Variants in ADARB2 observed in about 807,000 individuals in gnomAD.
ADARB2 encodes adenosine deaminase RNA specific B2 (inactive), also known as inactive double-stranded RNA-specific editase B2.
ADARB2 carries 25 observed loss-of-function variants against 62.2 expected under a neutral mutation model. The ratio of observed to expected loss-of-function variants is 0.40; its 90% confidence interval spans 0.29 to 0.56. The LOEUF (loss-of-function observed/expected upper bound fraction) is 0.56, where lower values mean the gene tolerates loss of function less well. Ranked by LOEUF, ADARB2 falls within the 20% of genes least tolerant of loss-of-function variation. The pLI is 0.43. For synonymous variants in ADARB2, 572 were observed against 500.8 expected (o/e 1.14, Z -1.90); for missense variants, 1,071 against 1,077.4 (o/e 0.99, Z 0.08).
chr10:1,327,557 GGCCCAGCGCCTCCTCACT>G lies in ADARB2; in HGVS notation c.1077+35453_1077+35470del, dbSNP rs1564258494. On this transcript the variant is annotated intron_variant, in intron 3 of 9. Transcript: ENST00000381312. ...TCCTCACTGCCCAGCGCCTCCTCAC[GGCCCAGCGCCTCCTCACT>G]GCACAGCGCCTCCTCACTGCACAGC... Among the ~76,000 whole-genome samples the G allele has an allele frequency of 5.2e-3, 63 of 12,130 alleles. 19 individuals are homozygous for G. Among genetic ancestry groups the G allele is most frequent in the African/African-American group, 0.024 (58 of 2,438 alleles). The allele number at this position is 12,130 out of a possible 152,430, so 8.0% of individuals were successfully genotyped here.
At chr10:1,589,671 T>C (rs1833226713) in intron 1 of ADARB2, among the ~76,000 whole-genome samples, 1 of 152,140 alleles carries the variant, frequency 6.6e-6, no homozygotes. Context: ...CAGGAGGTTT[T>C]TATTTTTATT....
At chr10:1,443,051 G>A (rs528324533) in intron 1 of ADARB2, among the ~76,000 whole-genome samples, 2 of 152,274 alleles carry the variant, frequency 1.3e-5, no homozygotes, top group East Asian at 3.9e-4. Flanking sequence ...CAATGGGTTG[G>A]GAAGGCCTGG....
intron 1 of ADARB2, among the ~76,000 whole-genome samples, chr10:1,405,504 C>G (rs936312245): frequency 6.6e-6 from 1 of 151,952 alleles, no homozygotes; most frequent in Admixed American, 6.6e-5. Flanking sequence ...ATGGTAGGGG[C>G]CTGTAATCCC....
intron 3 of ADARB2, among the ~76,000 whole-genome samples, chr10:1,341,952 G>A (rs752660809): frequency 2.6e-5 from 4 of 152,212 alleles, no homozygotes; most frequent in Non-Finnish European, 4.4e-5. Context: ...ACTTTTTCCT[G>A]AGCCACTTTC....
chr10:1,650,412 G>A (rs1488544693), intron 1 of ADARB2, among the ~76,000 whole-genome samples: 1 of 152,156 alleles, frequency 6.6e-6, no homozygotes, highest in South Asian at 2.1e-4. Flanking sequence ...CTAAGTACTC[G>A]AGGGGCTGTG....
chr10:1,638,701 GT>G (rs1191669633), intron 1 of ADARB2, among the ~76,000 whole-genome samples: 3 of 151,866 alleles, frequency 2.0e-5, no homozygotes, highest in African/African-American at 4.8e-5. Context: ...AGGATTAAGT[GT>G]TTTTTTTGTA....
chr10:1,354,032 C>A (rs1159024125), intron 3 of ADARB2, among the ~76,000 whole-genome samples: 1 of 152,090 alleles, frequency 6.6e-6, no homozygotes, highest in Non-Finnish European at 1.5e-5. Flanking sequence ...AATATCACCC[C>A]TTACCACAAA....
At chr10:1,672,685 T>TCC (rs1834405493) in intron 1 of ADARB2, among the ~76,000 whole-genome samples, 1 of 149,796 alleles carries the variant, frequency 6.7e-6, no homozygotes, top group Admixed American at 6.6e-5. Context: ...CGCACGCACT[T>TCC]CCCTTTCCTC....
At chr10:1,409,803 A>G (rs1832742593) in intron 1 of ADARB2, among the ~76,000 whole-genome samples, 1 of 124,520 alleles carries the variant, frequency 8.0e-6, no homozygotes, top group African/African-American at 2.7e-5. Context: ...GGCCGTGGTC[A>G]TAGGGAAGGA....
chr10:1,266,648 C>G (rs963790530), intron 4 of ADARB2, among the ~76,000 whole-genome samples: 1 of 152,174 alleles, frequency 6.6e-6, no homozygotes, highest in African/African-American at 2.4e-5. Context: ...CAGGCCAACG[C>G]CTACAATACC....
At chr10:1,453,310 C>A (rs1356493137) in intron 1 of ADARB2, among the ~76,000 whole-genome samples, 1 of 152,122 alleles carries the variant, frequency 6.6e-6, no homozygotes, top group East Asian at 1.9e-4. Context: ...GTTTCTTGAG[C>A]TTTTGGTGTC....
intron 6 of ADARB2, among the ~76,000 whole-genome samples, chr10:1,226,061 T>G (rs1377923615): frequency 2.0e-5 from 3 of 152,232 alleles, no homozygotes; most frequent in African/African-American, 7.2e-5. Context: ...CAGACGTAGA[T>G]TTGGTCTTTC....
intron 1 of ADARB2, among the ~76,000 whole-genome samples, chr10:1,717,036 A>G (rs1040906609): frequency 3.4e-5 from 4 of 118,506 alleles, no homozygotes; most frequent in East Asian, 2.5e-4. Flanking sequence ...TTCTGATCAC[A>G]TTATTCTGAT....
intron 3 of ADARB2, among the ~76,000 whole-genome samples, chr10:1,331,879 GTA>G (rs1169397194): frequency 6.6e-6 from 1 of 152,148 alleles, no homozygotes; most frequent in Non-Finnish European, 1.5e-5. Flanking sequence ...CTGGACCCAT[GTA>G]TTTGGAATTA....
Position 1,242,169 on chromosome 10 carries a change from G to A in ADARB2, c.1323C>T (p.Phe441=). Residue 441 remains phenylalanine, a synonymous_variant, in exon 5 of 10, where the codon TTC becomes TTT. Coordinates refer to ENST00000381312, the MANE Select transcript of ADARB2 (RefSeq NM_018702.4). ...CHAEVVARRA[F]LHFLYTQLEL... ...CCAGCTGCGTGTAGAGGAAGTGCAGGAACGCCCGCCGGGCCACGACCTCCG... is the reference window on the plus strand; with the variant it reads ...CCAGCTGCGTGTAGAGGAAGTGCAGAAACGCCCGCCGGGCCACGACCTCCG... 1 of 1,610,458 alleles carries A rather than the reference G, an allele frequency of 6.2e-7. No individual in the cohort carries two copies. Among genetic ancestry groups the A allele is most frequent in the Non-Finnish European group, 8.5e-7 (1 of 1,179,634 alleles).
chr10:1,192,149 A>ATATT (rs1169842403), intron 8 of ADARB2, among the ~76,000 whole-genome samples: 1 of 152,374 alleles, frequency 6.6e-6, no homozygotes, highest in African/African-American at 2.4e-5. Flanking sequence ...TGAGCCTACT[A>ATATT]TATTTACAAG....
rs376812021 is a variant in ADARB2, at chr10:1,564,880, C to T, written c.100+172171G>A. ...TTAACAGCTCTTAGGGTCAGTGGGCCGCAGGGTGAATTCAAGATTCCTGTG... is the reference window on the plus strand; with the variant it reads ...TTAACAGCTCTTAGGGTCAGTGGGCTGCAGGGTGAATTCAAGATTCCTGTG... On this transcript the variant is annotated intron_variant, in intron 1 of 9. Transcript: ENST00000381312. Among the ~76,000 whole-genome samples, 94 of 151,782 alleles carry T rather than the reference C, an allele frequency of 6.2e-4. 2 individuals carry two copies. In the South Asian group the frequency reaches 0.017, roughly 28 times the overall value.
intron 1 of ADARB2, among the ~76,000 whole-genome samples, chr10:1,430,682 G>A (rs1830769010): frequency 6.6e-6 from 1 of 152,128 alleles, no homozygotes. Context: ...GGAGGTTGCA[G>A]TGAGCTGAGA....
chr10:1,303,483 A>T (rs1831594691), intron 3 of ADARB2, among the ~76,000 whole-genome samples: 1 of 152,238 alleles, frequency 6.6e-6, no homozygotes, highest in Non-Finnish European at 1.5e-5. Context: ...AATTTCCCCA[A>T]TCTAGCAAGG....
Sources: allele counts gnomAD v4.1 joint callset (sites outside exome capture counted in the v4.1 genomes callset), GRCh38; gene constraint gnomAD v4.1.1; transcripts MANE v1.5; gene names NCBI Gene and HGNC (gene_info 2026-07-23, HGNC 2026-07-21).